B3GALT1: variants seen among roughly 807,000 people sequenced by gnomAD.
The protein encoded by B3GALT1 is beta-1,3-galactosyltransferase 1, also known as UDP-Gal:betaGlcNAc beta 1,3-galactosyltransferase, polypeptide 1.
A neutral mutation model predicts 23.2 loss-of-function variants in B3GALT1; 10 were observed. The ratio of observed to expected loss-of-function variants is 0.43; its 90% confidence interval spans 0.27 to 0.73. B3GALT1 has a LOEUF of 0.73. B3GALT1 is among the 30% of genes least tolerant of loss of function. The pLI, the probability that B3GALT1 is intolerant of heterozygous loss-of-function variation, is 0.21. For synonymous variants in B3GALT1, 156 were observed against 141.5 expected (o/e 1.10, Z -0.73); for missense variants, 299 against 405.4 (o/e 0.74, Z 2.25).
intron 1 of B3GALT1, among the ~76,000 whole-genome samples, chr2:167,380,166 T>G (rs1375534898): frequency 2.0e-5 from 3 of 151,880 alleles, no homozygotes; most frequent in Non-Finnish European, 4.4e-5. Context: ...GTAGAGGGTG[T>G]CCCCCTGCAT....
At chr2:167,714,499 T>G in intron 3 of B3GALT1, 1 of 1,609,640 alleles carries the variant, frequency 6.2e-7, no homozygotes, top group Non-Finnish European at 8.5e-7. Flanking sequence ...GACCCAACGG[T>G]GAGGGACCAT....
At chr2:167,610,075 G>A (rs912063313) in intron 2 of B3GALT1, among the ~76,000 whole-genome samples, 16 of 152,036 alleles carry the variant, frequency 1.1e-4, no homozygotes, top group African/African-American at 3.9e-4. Context: ...AGGAAAATGA[G>A]GATATAGTTA....
chr2:167,776,010 A>G (rs1688156316), intron 3 of B3GALT1, among the ~76,000 whole-genome samples: 1 of 149,724 alleles, frequency 6.7e-6, no homozygotes, highest in South Asian at 2.1e-4. Flanking sequence ...TGTATTAGGT[A>G]ACTATATAAG....
rs1196205516 is a variant in B3GALT1 at position 167,462,690 on chromosome 2, G to C, written c.-510-27487G>C. Among the ~76,000 whole-genome samples, 3 of 152,256 alleles carry C rather than the reference G, an allele frequency of 2.0e-5. No homozygotes were observed. In the South Asian group the frequency reaches 6.2e-4, roughly 32 times the overall value. ...TAGCTTCAGTGAGGAGACAGGAATC[G>C]TAATAATTTAAATGCAGTTAGCTTC... On this transcript the variant is annotated intron_variant, in intron 1 of 4. Transcript: ENST00000392690.
At chr2:167,516,985 C>G (rs1387052016) in intron 2 of B3GALT1, among the ~76,000 whole-genome samples, 2 of 151,220 alleles carry the variant, frequency 1.3e-5, no homozygotes, top group African/African-American at 4.9e-5. Context: ...ACTTAAGCTT[C>G]TTTGTTATCT....
intron 1 of B3GALT1, among the ~76,000 whole-genome samples, chr2:167,309,564 T>A (rs899396704): frequency 2.0e-5 from 3 of 152,022 alleles, no homozygotes; most frequent in Non-Finnish European, 2.9e-5. Context: ...TAAAAATTAT[T>A]TAGGCTGTTT....
chr2:167,858,089 G>A lies in B3GALT1; in HGVS notation c.-229-10722G>A, dbSNP rs552775848. Among the ~76,000 whole-genome samples, 11 of 152,070 alleles carry A rather than the reference G, an allele frequency of 7.2e-5. No homozygotes were observed. The South Asian group carries it at 1.2e-3, about 17-fold the overall frequency. On this transcript the variant is annotated intron_variant, in intron 4 of 4. Coordinates refer to ENST00000392690, the MANE Select transcript of B3GALT1 (RefSeq NM_020981.4). ...AATTATGGCTATGTAAATATTATTCGGAAGGCTATTTAAATCTGGTAGATT... is the reference window on the plus strand; with the variant it reads ...AATTATGGCTATGTAAATATTATTCAGAAGGCTATTTAAATCTGGTAGATT...
chr2:167,789,389 C>T (rs563086717), intron 3 of B3GALT1, among the ~76,000 whole-genome samples: 2 of 152,070 alleles, frequency 1.3e-5, no homozygotes, highest in East Asian at 3.9e-4. Context: ...GTTCCTTAAC[C>T]TCTCTAACCT....
intron 2 of B3GALT1, among the ~76,000 whole-genome samples, chr2:167,521,184 G>T (rs1700181726): frequency 6.6e-6 from 1 of 151,890 alleles, no homozygotes; most frequent in African/African-American, 2.4e-5. Context: ...GTTTGTTCTT[G>T]CTTCCATTTT....
At chr2:167,317,191 C>T (rs1696733222) in intron 1 of B3GALT1, among the ~76,000 whole-genome samples, 1 of 152,090 alleles carries the variant, frequency 6.6e-6, no homozygotes, top group Admixed American at 6.5e-5. Flanking sequence ...CAGACTGGAA[C>T]ATGTGGGCTA....
intron 1 of B3GALT1, among the ~76,000 whole-genome samples, chr2:167,402,224 A>G (rs1698203417): frequency 6.6e-6 from 1 of 152,128 alleles, no homozygotes; most frequent in Admixed American, 6.6e-5. Flanking sequence ...TTTGATTTTG[A>G]TCTTCATGAA....
In B3GALT1 at chr2:167,765,671, CA is replaced by C. The variant is rs564959665; in HGVS notation, c.-351-53000del. Among the ~76,000 whole-genome samples the C allele has an allele frequency of 2.4e-4, 36 of 152,242 alleles. No homozygotes were observed. The South Asian group carries it at 4.6e-3, about 19-fold the overall frequency. On this transcript the variant is annotated intron_variant, in intron 3 of 4. Coordinates refer to ENST00000392690, the MANE Select transcript of B3GALT1 (RefSeq NM_020981.4). ...TTAATACAAGGAGCAAATAAATTTT[CA>C]TGACAAAAGGATACCAAATTTGACT...
At chr2:167,561,380 A>G (rs911838272) in intron 2 of B3GALT1, among the ~76,000 whole-genome samples, 13 of 152,200 alleles carry the variant, frequency 8.5e-5, no homozygotes, top group African/African-American at 2.9e-4. Flanking sequence ...ACACCCTAAC[A>G]TCACAATTAA....
chr2:167,579,448 C>CT (rs1558913471), intron 2 of B3GALT1, among the ~76,000 whole-genome samples: 1 of 113,328 alleles, frequency 8.8e-6, no homozygotes, highest in African/African-American at 3.2e-5. Flanking sequence ...TTTTTTTTTT[C>CT]CATTTAAATT....
intron 4 of B3GALT1, among the ~76,000 whole-genome samples, chr2:167,851,256 A>T (rs1689880083): frequency 6.6e-6 from 1 of 152,326 alleles, no homozygotes; most frequent in East Asian, 1.9e-4. Flanking sequence ...AATTAAAAAA[A>T]ATACATGTGA....
At chr2:167,542,118 C>T (rs1683542690) in intron 2 of B3GALT1, among the ~76,000 whole-genome samples, 1 of 151,386 alleles carries the variant, frequency 6.6e-6, no homozygotes, top group Non-Finnish European at 1.5e-5. Context: ...TATTGAATCC[C>T]ATCACATATT....
chr2:167,773,349 A>G (rs1031961365), intron 3 of B3GALT1, among the ~76,000 whole-genome samples: 2 of 152,160 alleles, frequency 1.3e-5, no homozygotes, highest in African/African-American at 2.4e-5. Context: ...CTAATTTACT[A>G]TGCATTTTCA....
At chr2:167,703,997 C>T (rs1823296) in intron 3 of B3GALT1, among the ~76,000 whole-genome samples, 81,451 of 151,444 alleles carry the variant, frequency 0.54, 22,562 homozygotes, top group Middle Eastern at 0.69. Flanking sequence ...CTGGCTAACA[C>T]GGTGAAACCC....
chr2:167,556,114 A>G (rs1683844708), intron 2 of B3GALT1, among the ~76,000 whole-genome samples: 1 of 152,206 alleles, frequency 6.6e-6, no homozygotes, highest in Non-Finnish European at 1.5e-5. Flanking sequence ...ACAATAAAGC[A>G]TCACATTTTC....
Sources: allele counts gnomAD v4.1 joint callset (sites outside exome capture counted in the v4.1 genomes callset), GRCh38; gene constraint gnomAD v4.1.1; transcripts MANE v1.5; gene names NCBI Gene and HGNC (gene_info 2026-07-23, HGNC 2026-07-21).